The following ABHD17C variants were observed in gnomAD, a reference collection of about 807,000 sequenced individuals.
The protein encoded by ABHD17C is alpha/beta hydrolase domain-containing protein 17C.
ABHD17C carries 11 observed loss-of-function variants against 27.9 expected under a neutral mutation model. That is an observed-to-expected ratio of 0.39 (90% CI 0.25 to 0.65). The LOEUF is 0.65. ABHD17C is among the 30% of genes least tolerant of loss of function. The pLI is 0.45. For missense variants in ABHD17C, 280 were observed against 470.2 expected (o/e 0.60, Z 3.74); for synonymous variants, 233 against 209.1 (o/e 1.11, Z -0.98).
chr15:80,703,635 G>A (rs913741259), intron 1 of ABHD17C, among the ~76,000 whole-genome samples: 2 of 152,148 alleles, frequency 1.3e-5, no homozygotes, highest in Non-Finnish European at 1.5e-5. Context: ...TGCAGTCTAT[G>A]TATATGAGTG....
chr15:80,728,083 T>G (rs1301140337), intron 1 of ABHD17C, among the ~76,000 whole-genome samples: 2 of 152,190 alleles, frequency 1.3e-5, no homozygotes, highest in Non-Finnish European at 2.9e-5. Context: ...GAACCTTAGT[T>G]TCCTGGTCTG....
Position 80,695,433 on chromosome 15 carries a change from C to G in ABHD17C, c.4C>G (p.Pro2Ala). 1 of 1,330,130 alleles carries G rather than the reference C, an allele frequency of 7.5e-7. No homozygotes were observed. The highest frequency in any genetic ancestry group is 1.4e-5 in the South Asian group (1 of 71,904). The allele number at this position is 1,330,130 out of a possible 1,614,324, so 82.4% of individuals were successfully genotyped here. A position where few individuals can be genotyped will look rare whatever the true frequency, so the allele number is the denominator to read the frequency against. ...CGGCGGGCACCAGGCCGTCCCGATG[C>G]CCGAGCCAGGCCCCAGGATGAACGG... is the stretch of plus-strand genomic sequence containing the variant. M[P>A]EPGPRMNGFS... The change falls in exon 1 of 3, where the codon CCC (proline) becomes GCC (alanine). Residue 2 changes from proline to alanine, a missense_variant. This residue lies in a region of ABHD17C where 74 missense variants were observed against 75.5 expected (regional missense o/e 0.98). Transcript: ENST00000258884. The surrounding 1 kb of genome is among the most constrained non-coding windows in gnomAD (Gnocchi z 4.3).
intron 1 of ABHD17C, among the ~76,000 whole-genome samples, chr15:80,714,108 C>G (rs1894771139): frequency 6.6e-6 from 1 of 152,100 alleles, no homozygotes; most frequent in African/African-American, 2.4e-5. Context: ...TGCAGGGCAC[C>G]TCACCTGGCT....
chr15:80,737,792 T>G (rs1596071284), intron 1 of ABHD17C, among the ~76,000 whole-genome samples: 1 of 150,740 alleles, frequency 6.6e-6, no homozygotes, highest in Non-Finnish European at 1.5e-5. Flanking sequence ...AGGCAGGGGG[T>G]GTTTATGAGC....
intron 1 of ABHD17C, among the ~76,000 whole-genome samples, chr15:80,724,522 G>A (rs995374184): frequency 2.6e-5 from 4 of 151,976 alleles, no homozygotes; most frequent in Non-Finnish European, 5.9e-5. Flanking sequence ...GTTATGTCTT[G>A]TTTAGAATGA....
intron 1 of ABHD17C, among the ~76,000 whole-genome samples, chr15:80,713,354 C>CTTTTTTTTTCTT (rs1894753557): frequency 2.3e-5 from 1 of 43,854 alleles, no homozygotes; most frequent in African/African-American, 9.9e-5. Flanking sequence ...AGGTCTTGTT[C>CTTTTTTTTTCTT]TTTTTTTTTT....
chr15:80,699,553 A>G (rs1392107026), intron 1 of ABHD17C, among the ~76,000 whole-genome samples: 2 of 152,192 alleles, frequency 1.3e-5, no homozygotes, highest in African/African-American at 4.8e-5. Flanking sequence ...ATGTCTCTAC[A>G]TCTTTTATCC....
In ABHD17C at chr15:80,706,797, A is replaced by G. The variant is rs1034709970; in HGVS notation, c.590+10778A>G. 2.6e-5 allele frequency among the ~76,000 whole-genome samples: 4 copies of G among 152,184 alleles called. 1 individual carries two copies. The highest frequency in any genetic ancestry group is 2.6e-4 in the Admixed American group (4 of 15,284). ...TTTTGTCTGCTGATCTCACTTAAAT[A>G]ATTTTATTTATCCCTATTGTCATAA... On this transcript the variant is annotated intron_variant, in intron 1 of 2. Transcript: ENST00000258884.
At chr15:80,710,107 T>C (rs1433001579) in intron 1 of ABHD17C, among the ~76,000 whole-genome samples, 1 of 152,192 alleles carries the variant, frequency 6.6e-6, no homozygotes, top group Non-Finnish European at 1.5e-5. Context: ...GATTAGGGTA[T>C]GCTTCATTCA....
rs1555421862 is a variant in ABHD17C, at chr15:80,705,333, T to TTGTGTGTG, written c.590+9341_590+9348dup. Among the ~76,000 whole-genome samples, 333 of 106,882 alleles carry TTGTGTGTG rather than the reference T, an allele frequency of 3.1e-3. 6 individuals carry two copies. The highest frequency in any genetic ancestry group is 3.7e-3 in the African/African-American group (104 of 28,446). 70.1% of individuals were successfully genotyped at this position (106,882 alleles called of 152,430 possible). ...CCTGCAGTTCTGAGCTTCCTATGAT[T>TTGTGTGTG]TGTGTGTGTGTGTGTGTGTGTGTGT... On this transcript the variant is annotated intron_variant, in intron 1 of 2. Transcript: ENST00000258884.
At chr15:80,734,837 A>G (rs1895107313) in intron 1 of ABHD17C, among the ~76,000 whole-genome samples, 2 of 152,274 alleles carry the variant, frequency 1.3e-5, no homozygotes, top group African/African-American at 4.8e-5. Context: ...CTTTACAAAA[A>G]TTAGGTAAAG....
intron 1 of ABHD17C, among the ~76,000 whole-genome samples, chr15:80,744,889 A>G (rs1389356569): frequency 6.6e-6 from 1 of 152,214 alleles, no homozygotes; most frequent in Non-Finnish European, 1.5e-5. Context: ...TTTTGTTAAA[A>G]TTAACATGAG....
chr15:80,733,752 T>G (rs546104842), intron 1 of ABHD17C, among the ~76,000 whole-genome samples: 1 of 152,352 alleles, frequency 6.6e-6, no homozygotes, highest in East Asian at 1.9e-4. Flanking sequence ...ACTATAGCAC[T>G]TGTATGAACT....
At chr15:80,732,825 G>A (rs1245511246) in intron 1 of ABHD17C, among the ~76,000 whole-genome samples, 1 of 152,212 alleles carries the variant, frequency 6.6e-6, no homozygotes, top group Non-Finnish European at 1.5e-5. Context: ...GGGCAGTGCT[G>A]AGCCAGAGCT....
intron 1 of ABHD17C, among the ~76,000 whole-genome samples, chr15:80,737,099 G>A (rs1895141728): frequency 6.6e-6 from 1 of 152,108 alleles, no homozygotes; most frequent in Non-Finnish European, 1.5e-5. Context: ...AGCATAGCCT[G>A]TGACTGCAAA....
chr15:80,748,899 C>G (rs1016082464), intron 1 of ABHD17C, among the ~76,000 whole-genome samples: 2 of 151,694 alleles, frequency 1.3e-5, no homozygotes, highest in Admixed American at 1.3e-4. Context: ...GGAAATGAAG[C>G]CTGTATTCCA....
In ABHD17C at chr15:80,755,311, T is replaced by A. The variant is rs1895418363; in HGVS notation, c.*941T>A. ...AATTCCAAGTTTATGCTTTGAAGAA[T>A]TTATGTAATTAAAATTTCACTAAAC... is the stretch of plus-strand genomic sequence containing the variant. On this transcript the variant is annotated 3_prime_UTR_variant, in exon 3 of 3. Transcript: ENST00000258884. The A allele has an allele frequency of 6.6e-6, 1 of 152,222 alleles. No homozygotes were observed. Among genetic ancestry groups the A allele is most frequent in the Non-Finnish European group, 1.5e-5 (1 of 68,026 alleles). The allele number at this position is 152,222 out of a possible 1,614,324, so 9.4% of individuals were successfully genotyped here. A position where few individuals can be genotyped will look rare whatever the true frequency, so the allele number is the denominator to read the frequency against.
At chr15:80,723,986 T>A (rs570318441) in intron 1 of ABHD17C, among the ~76,000 whole-genome samples, 20 of 152,254 alleles carry the variant, frequency 1.3e-4, no homozygotes, top group Admixed American at 1.2e-3. Context: ...GTGGATCACT[T>A]GATGTCAGGA....
At chr15:80,752,405 AGTT>A (rs1895376995) in intron 2 of ABHD17C, among the ~76,000 whole-genome samples, 1 of 152,156 alleles carries the variant, frequency 6.6e-6, no homozygotes, top group African/African-American at 2.4e-5. Flanking sequence ...GCTAGATGAC[AGTT>A]GTTTGTAGAT....
Sources: allele counts gnomAD v4.1 joint callset (sites outside exome capture counted in the v4.1 genomes callset), GRCh38; gene constraint gnomAD v4.1.1; regional missense constraint gnomAD v4.1.1; non-coding constraint Gnocchi (gnomAD v3.1); transcripts MANE v1.5; gene names NCBI Gene and HGNC (gene_info 2026-07-23, HGNC 2026-07-21).